The following COL28A1 variants were observed in gnomAD, a reference collection of about 807,000 sequenced individuals.
COL28A1 encodes the protein collagen alpha-1(XXVIII) chain.
Under a neutral mutation model 150.2 loss-of-function variants are expected in COL28A1, and 161 were observed. That is an observed-to-expected ratio of 1.07 (90% confidence interval 0.94 to 1.22). The LOEUF (loss-of-function observed/expected upper bound fraction) is 1.22, where lower values mean the gene tolerates loss of function less well. COL28A1 is among the 50% of genes most tolerant of loss of function. COL28A1 has a pLI of 0.00. For synonymous variants in COL28A1, 552 were observed against 469.7 expected, an observed-to-expected ratio of 1.18 and a Z score of -2.26; for missense variants, 1,617 against 1,388.3, an observed-to-expected ratio of 1.16 and a Z score of -2.62.
At chr7:7,537,342 G>C (rs917732004), upstream of COL28A1, among the ~76,000 whole-genome samples, 14 of 152,124 alleles carry the variant, frequency 9.2e-5, no homozygotes, top group African/African-American at 2.9e-4. Context: ...CCAGGACCTG[G>C]AGAAAACCCA....
At chr7:7,347,046 CCTGA>C in the COL28A1 span, among the ~76,000 whole-genome samples, 1 of 151,982 alleles carries the variant, frequency 6.6e-6, no homozygotes, top group African/African-American at 2.4e-5. Context: ...AATTAAGAAA[CCTGA>C]CTTTCATTTC....
chr7:7,532,754 T>G lies in COL28A1; in HGVS notation c.122A>C (p.Gln41Pro). 6.2e-7 allele frequency: 1 copy of G among 1,601,718 alleles called. No individual in the cohort carries two copies. Among genetic ancestry groups the G allele is most frequent in the Non-Finnish European group, 8.5e-7 (1 of 1,176,640 alleles). The change falls in exon 2 of 35, where the codon CAG (glutamine) becomes CCG (proline). Residue 41 changes from glutamine to proline, a missense_variant and splice_region_variant. Coordinates refer to ENST00000399429, the MANE Select transcript of COL28A1 (RefSeq NM_001037763.3). Reference protein sequence around the residue: ...SNLLARKSDVQGSICFIDIVF... With the variant: ...SNLLARKSDVPGSICFIDIVF... ...ACAAACAATTTTTTTTTTTTTACCCTGGACATCACTTTTCCTTGCAAGCAA... is the reference window on the plus strand; with the variant it reads ...ACAAACAATTTTTTTTTTTTTACCCGGGACATCACTTTTCCTTGCAAGCAA...
Position 7,443,669 on chromosome 7 carries a change from C to A in COL28A1, c.1582-16G>T. On this transcript the variant is annotated splice_polypyrimidine_tract_variant and intron_variant, in intron 19 of 34. Coordinates refer to ENST00000399429, the MANE Select transcript of COL28A1 (RefSeq NM_001037763.3). ...CCGCTTCTCCCTAGAGAAAATGACA[C>A]TGATGTGTTAGCTGACCCTCCAGTA... 6.2e-7 allele frequency: 1 copy of A among 1,613,886 alleles called. No individual in the cohort carries two copies. The highest frequency in any genetic ancestry group is 1.1e-5 in the South Asian group (1 of 91,060).
At chr7:7,343,682 T>C in the COL28A1 span, among the ~76,000 whole-genome samples, 1 of 152,096 alleles carries the variant, frequency 6.6e-6, no homozygotes, top group African/African-American at 2.4e-5. Flanking sequence ...CTCATCTTTT[T>C]ACTCTGAACA....
Position 7,515,882 on chromosome 7 carries a change from A to C in COL28A1, c.856-42T>G. 2 of 843,310 alleles carry C rather than the reference A, an allele frequency of 2.4e-6. 1 individual carries two copies. The highest frequency in any genetic ancestry group is 2.7e-5 in the South Asian group (2 of 72,866). 52.2% of individuals were successfully genotyped at this position (843,310 alleles called of 1,614,324 possible). ...ATAAAAAGTAAAATATGATACTCTG[A>C]GGCAGAATTAGAATAAGGATTAGGT... On this transcript the variant is annotated intron_variant, in intron 7 of 34. Transcript: ENST00000399429.
intron 19 of COL28A1, 128 bp downstream of exon 19, chr7:7,444,290 A>G: frequency 7.9e-7 from 1 of 1,261,030 alleles, no homozygotes; most frequent in Admixed American, 2.3e-5. Context: ...GACATTTGGG[A>G]TTGTGAGATA....
the COL28A1 span, among the ~76,000 whole-genome samples, chr7:7,342,358 T>C: frequency 2.8e-4 from 42 of 151,562 alleles, no homozygotes; most frequent in African/African-American, 1.0e-3. Flanking sequence ...AAAGAATGTA[T>C]AGTTAGATAT....
intron 30 of COL28A1, among the ~76,000 whole-genome samples, chr7:7,378,606 G>A (rs888733961): frequency 1.3e-5 from 2 of 152,182 alleles, no homozygotes; most frequent in Non-Finnish European, 2.9e-5. Flanking sequence ...ATCACAGAAA[G>A]GATAAGAGGG....
At chr7:7,523,165 C>CTT (rs1394272260) in intron 4 of COL28A1, among the ~76,000 whole-genome samples, 1 of 78,924 alleles carries the variant, frequency 1.3e-5, no homozygotes. Flanking sequence ...TCTTTCTTTT[C>CTT]TTTTTTTTTT....
In COL28A1 at chr7:7,456,033, G is replaced by A. The variant is rs779783950; in HGVS notation, c.1371+11C>T. On this transcript the variant is annotated intron_variant, in intron 16 of 34. Coordinates refer to ENST00000399429, the MANE Select transcript of COL28A1 (RefSeq NM_001037763.3). ...TCTGCACTGAAGGGAAAGGAAGAATGCATTAATTACCTGTTCCCCTTGACT... is the reference window on the plus strand; with the variant it reads ...TCTGCACTGAAGGGAAAGGAAGAATACATTAATTACCTGTTCCCCTTGACT... 2 of 1,613,768 alleles carry A rather than the reference G, an allele frequency of 1.2e-6. No homozygotes were observed. The highest frequency in any genetic ancestry group is 1.1e-5 in the South Asian group (1 of 91,040).
intron 13 of COL28A1, among the ~76,000 whole-genome samples, chr7:7,481,222 GATCTTTAAGGAGCCAAGTATTCA>G (rs1311649385): frequency 2.0e-5 from 3 of 152,148 alleles, no homozygotes; most frequent in Non-Finnish European, 4.4e-5. Context: ...GAAAATATTG[GATCTTTAAGGAGCCAAGTATTCA>G]AAGCTGCTGA....
chr7:7,441,357 T>C (rs1785774388), intron 20 of COL28A1, among the ~76,000 whole-genome samples: 1 of 152,128 alleles, frequency 6.6e-6, no homozygotes, highest in South Asian at 2.1e-4. Flanking sequence ...AGGAAGATGC[T>C]TGAGCATTAA....
upstream of COL28A1, among the ~76,000 whole-genome samples, chr7:7,539,295 G>C (rs1027818570): frequency 4.6e-5 from 7 of 152,198 alleles, no homozygotes; most frequent in African/African-American, 1.4e-4. Flanking sequence ...ATGGCAGAAG[G>C]TGAAAGGGGA....
At chr7:7,417,075 T>G (rs982357415) in intron 27 of COL28A1, among the ~76,000 whole-genome samples, 3 of 150,888 alleles carry the variant, frequency 2.0e-5, no homozygotes, top group African/African-American at 7.3e-5. Flanking sequence ...AAAAAGAGAG[T>G]GAACCGATAA....
chr7:7,412,831 C>A (rs1329993706), intron 27 of COL28A1, among the ~76,000 whole-genome samples: 3 of 151,922 alleles, frequency 2.0e-5, no homozygotes, highest in Admixed American at 2.0e-4. Context: ...TAAAATAAGC[C>A]TTATTAGCCC....
chr7:7,515,316 T>C (rs186619561), intron 8 of COL28A1, among the ~76,000 whole-genome samples: 3 of 152,252 alleles, frequency 2.0e-5, no homozygotes, highest in African/African-American at 7.2e-5. Context: ...ATACCTTTTG[T>C]TTGCTTGTTT....
intron 27 of COL28A1, among the ~76,000 whole-genome samples, chr7:7,391,124 A>G (rs568703450): frequency 1.3e-5 from 2 of 152,232 alleles, no homozygotes; most frequent in East Asian, 3.9e-4. Flanking sequence ...CGTGCTATAA[A>G]TTTCCCTCTA....
chr7:7,512,058 A>G (rs1003116012), intron 8 of COL28A1, among the ~76,000 whole-genome samples: 3 of 152,208 alleles, frequency 2.0e-5, no homozygotes, highest in Non-Finnish European at 4.4e-5. Flanking sequence ...GTCATTTGTA[A>G]CAACATAGAT....
At chr7:7,349,508 T>C in the COL28A1 span, among the ~76,000 whole-genome samples, 1 of 152,138 alleles carries the variant, frequency 6.6e-6, no homozygotes, top group African/African-American at 2.4e-5. Context: ...TTCTGTGAAA[T>C]TCCTTTCTTT....
Sources: gnomAD v4.1 joint callset for allele counts (sites outside exome capture counted in the v4.1 genomes callset) on GRCh38, gnomAD v4.1.1 for gene constraint, MANE v1.5 for transcripts, NCBI Gene and HGNC (gene_info 2026-07-23, HGNC 2026-07-21) for gene names.